Variants in RCAN1 observed in about 807,000 individuals in gnomAD.
The protein encoded by RCAN1 is calcipressin-1.
In RCAN1, 11 loss-of-function variants were observed where a neutral mutation model predicts 22.9. The ratio of observed to expected loss-of-function variants is 0.48; its 90% CI spans 0.30 to 0.79. The LOEUF (loss-of-function observed/expected upper bound fraction) is 0.79, where lower values mean the gene tolerates loss of function less well. Among genes scored for constraint, RCAN1 ranks in the 30% least tolerant of loss-of-function variants. The pLI is 0.06. For missense variants in RCAN1, 291 were observed against 337.8 expected, an observed-to-expected ratio of 0.86 and a Z score of 1.09; for synonymous variants, 136 against 142.3, an observed-to-expected ratio of 0.96 and a Z score of 0.32.
intron 1 of RCAN1, among the ~76,000 whole-genome samples, chr21:34,534,956 A>C (rs1985601350): frequency 2.0e-5 from 3 of 152,224 alleles, no homozygotes; most frequent in Admixed American, 2.0e-4. Context: ...CACTGCAGAG[A>C]TCTCCAGCAC....
chr21:34,610,429 G>A (rs1601227803), intron 1 of RCAN1, among the ~76,000 whole-genome samples: 1 of 152,142 alleles, frequency 6.6e-6, no homozygotes, highest in East Asian at 1.9e-4. Context: ...GACCCCGCCT[G>A]TAGGCCACAG....
At chr21:34,578,175 T>C (rs890679953) in intron 1 of RCAN1, among the ~76,000 whole-genome samples, 1 of 152,172 alleles carries the variant, frequency 6.6e-6, no homozygotes, top group African/African-American at 2.4e-5. Flanking sequence ...CGTTAGGGAA[T>C]GTAAGATCTT....
chr21:34,580,517 C>A (rs1249620721), intron 1 of RCAN1, among the ~76,000 whole-genome samples: 3 of 152,210 alleles, frequency 2.0e-5, no homozygotes, highest in Non-Finnish European at 4.4e-5. Context: ...TATCCAGTCA[C>A]GTCCTCCGGG....
Position 34,516,606 on chromosome 21 carries a change from C to T in RCAN1, c.*1478G>A, listed in dbSNP as rs1165434963. 1 of 152,210 alleles carries T rather than the reference C, an allele frequency of 6.6e-6. No homozygotes were observed. The highest frequency in any genetic ancestry group is 2.4e-5 in the African/African-American group (1 of 41,460). The allele number at this position is 152,210 out of a possible 1,614,324, so 9.4% of individuals were successfully genotyped here. ...AACACTTGGACAGCGATGCAATGGT[C>T]TCTCCCAAACCGGCTCCCTCTTACC... On this transcript the variant is annotated 3_prime_UTR_variant, in exon 4 of 4. Transcript: ENST00000313806.
Position 34,580,077 on chromosome 21 carries a change from G to A in RCAN1, c.252+34683C>T, listed in dbSNP as rs1001880302. 5.3e-5 allele frequency among the ~76,000 whole-genome samples: 8 copies of A among 152,204 alleles called. No individual in the cohort carries two copies. In the East Asian group the frequency reaches 7.7e-4, roughly 15 times the overall value. ...ACAGTGCATTACTTTCAGACCCACC[G>A]TGTCTGCACAAATATTTCAATGGTT... On this transcript the variant is annotated intron_variant, in intron 1 of 3. Coordinates refer to ENST00000313806, the MANE Select transcript of RCAN1 (RefSeq NM_004414.7).
chr21:34,602,053 A>G (rs953927838), intron 1 of RCAN1, among the ~76,000 whole-genome samples: 2 of 152,208 alleles, frequency 1.3e-5, no homozygotes, highest in Non-Finnish European at 2.9e-5. Flanking sequence ...CAACATATTC[A>G]TTGACATTAA....
chr21:34,597,588 TCAAGATACCTGAAGGTGAGATAAAA>T (rs1988203925), intron 1 of RCAN1, among the ~76,000 whole-genome samples: 1 of 152,194 alleles, frequency 6.6e-6, no homozygotes, highest in African/African-American at 2.4e-5. Context: ...GGGAAAGTCA[TCAAGATACCTGAAGGTGAGATAAAA>T]TACCATATTG....
chr21:34,573,928 G>A (rs1987321288), intron 1 of RCAN1, among the ~76,000 whole-genome samples: 1 of 152,148 alleles, frequency 6.6e-6, no homozygotes, highest in African/African-American at 2.4e-5. Flanking sequence ...ATATAAAGGA[G>A]GAAAATATAA....
chr21:34,602,439 T>C (rs909823384), intron 1 of RCAN1, among the ~76,000 whole-genome samples: 13 of 152,190 alleles, frequency 8.5e-5, no homozygotes, highest in Non-Finnish European at 5.9e-5. Context: ...GAGATACCAA[T>C]ACAAATGAAC....
rs1984193405 is a variant in RCAN1, at chr21:34,518,212, C to T, written c.631G>A (p.Val211Met). The T allele has an allele frequency of 6.2e-7, 1 of 1,614,196 alleles. No individual in the cohort carries two copies. Among genetic ancestry groups the T allele is most frequent in the Non-Finnish European group, 8.5e-7 (1 of 1,180,036 alleles). Residue 211 changes from valine (V) to methionine (M), a missense_variant, in exon 4 of 4, where the codon GTG becomes ATG. Coordinates refer to ENST00000313806, the MANE Select transcript of RCAN1 (RefSeq NM_004414.7). This position sits in a 1 kb window ranked among gnomAD's most constrained non-coding sequence, Gnocchi z 4.2. The part of the protein sequence containing the change: ...LHAATDTTPS[V>M]VVHVCESDQE... ...TCACTCTCACATACATGGACCACCA[C>T]GCTGGGAGTGGTGTCAGTCGCTGCG...
chr21:34,523,477 G>C, intron 2 of RCAN1, 60 bp downstream of exon 2: 4 of 1,557,900 alleles, frequency 2.6e-6, no homozygotes, highest in Non-Finnish European at 3.5e-6. Flanking sequence ...CGTATAAGCT[G>C]CTTTACAAAA....
intron 1 of RCAN1, among the ~76,000 whole-genome samples, chr21:34,539,425 CTCA>C (rs1039118283): frequency 6.6e-6 from 1 of 152,150 alleles, no homozygotes; most frequent in African/African-American, 2.4e-5. Flanking sequence ...GTTTATTGTT[CTCA>C]TTTTGGTGAA....
chr21:34,604,758 T>C (rs1235930421), intron 1 of RCAN1, among the ~76,000 whole-genome samples: 2 of 152,232 alleles, frequency 1.3e-5, no homozygotes, highest in African/African-American at 4.8e-5. Flanking sequence ...AAGATCTGTC[T>C]AGAGCTGTGC....
intron 1 of RCAN1, among the ~76,000 whole-genome samples, chr21:34,532,714 C>G (rs1985454782): frequency 6.6e-6 from 1 of 152,194 alleles, no homozygotes; most frequent in South Asian, 2.1e-4. Context: ...ATTCACATAT[C>G]CATTCATTTG....
intron 1 of RCAN1, among the ~76,000 whole-genome samples, chr21:34,539,341 G>A (rs938363528): frequency 6.6e-6 from 1 of 152,182 alleles, no homozygotes; most frequent in Non-Finnish European, 1.5e-5. Context: ...CTCATAGTAA[G>A]GTGGTGAAAA....
Position 34,523,674 on chromosome 21 carries a change from C to T in RCAN1, c.289G>A (p.Asp97Asn), listed in dbSNP as rs1289481098. ...FESLFRTYDK[D>N]ITFQYFKSFK... ...CTCTTAAAATACTGAAAGGTGATGT[C>T]CTTGTCATACGTCCTAAAGAGGGAC... Residue 97 changes from aspartate (D) to asparagine (N), a missense_variant, in exon 2 of 4, where the codon GAC (aspartate) becomes AAC (asparagine). Coordinates refer to ENST00000313806, the MANE Select transcript of RCAN1 (RefSeq NM_004414.7). The T allele has an allele frequency of 6.2e-7, 1 of 1,614,052 alleles. No individual in the cohort carries two copies. Among genetic ancestry groups the T allele is most frequent in the East Asian group, 2.2e-5 (1 of 44,888 alleles).
chr21:34,568,316 C>T (rs77034962), intron 1 of RCAN1, among the ~76,000 whole-genome samples: 5 of 152,198 alleles, frequency 3.3e-5, no homozygotes, highest in East Asian at 1.9e-4. Flanking sequence ...AAATCTCCCC[C>T]CTGCCTCCCA....
At chr21:34,607,832 T>C (rs1467993345) in intron 1 of RCAN1, among the ~76,000 whole-genome samples, 1 of 152,192 alleles carries the variant, frequency 6.6e-6, no homozygotes, top group African/African-American at 2.4e-5. Flanking sequence ...CATGGCCTGT[T>C]AGGAAGCGGG....
intron 1 of RCAN1, among the ~76,000 whole-genome samples, chr21:34,556,763 A>G (rs1427395520): frequency 2.0e-5 from 3 of 152,344 alleles, no homozygotes; most frequent in East Asian, 3.9e-4. Context: ...AAGACCAAGT[A>G]TTATTGAAGT....
Sources: allele counts gnomAD v4.1 joint callset (sites outside exome capture counted in the v4.1 genomes callset), GRCh38; gene constraint gnomAD v4.1.1; non-coding constraint Gnocchi (gnomAD v3.1); transcripts MANE v1.5; gene names NCBI Gene and HGNC (gene_info 2026-07-23, HGNC 2026-07-21).